Variants in FANCC observed in about 807,000 individuals in gnomAD.
The protein encoded by FANCC is FA complementation group C.
In FANCC, 55 loss-of-function variants were observed where a neutral mutation model predicts 71.3. The ratio of observed to expected loss-of-function variants is 0.77; its 90% CI spans 0.62 to 0.97. The LOEUF (loss-of-function observed/expected upper bound fraction) is 0.97. FANCC is among the 50% of genes least tolerant of loss of function. FANCC has a pLI of 0.00. For missense variants in FANCC, 678 were observed against 670.9 expected, an observed-to-expected ratio of 1.01 and a Z score of -0.12; for synonymous variants, 275 against 244.9, an observed-to-expected ratio of 1.12 and a Z score of -1.15.
At chr9:95,288,763 A>T (rs1833839460) in intron 1 of FANCC, among the ~76,000 whole-genome samples, 1 of 148,576 alleles carries the variant, frequency 6.7e-6, no homozygotes, top group African/African-American at 2.5e-5. Context: ...ATTTCCAATG[A>T]CTCTTCTCTT....
At chr9:95,258,147 T>C (rs965835740) in intron 1 of FANCC, among the ~76,000 whole-genome samples, 2 of 152,148 alleles carry the variant, frequency 1.3e-5, no homozygotes, top group South Asian at 4.2e-4. Context: ...CTGAAACTAT[T>C]CCAAACAATA....
intron 4 of FANCC, among the ~76,000 whole-genome samples, chr9:95,180,818 C>A (rs1826308168): frequency 6.6e-6 from 1 of 152,032 alleles, no homozygotes. Context: ...CCTAGAATCA[C>A]CACAAACATG....
intron 1 of FANCC, chr9:95,294,599 T>C: frequency 1.3e-6 from 2 of 1,555,594 alleles, no homozygotes; most frequent in Middle Eastern, 1.7e-4. Flanking sequence ...ATACCTGCTC[T>C]AGAAAGCAAA....
chr9:95,123,936 A>G (rs1825526172), intron 10 of FANCC: 1 of 380,476 alleles, frequency 2.6e-6, no homozygotes, highest in Non-Finnish European at 5.1e-6. Flanking sequence ...AATTGTACTT[A>G]ATTAAAAAAT....
chr9:95,198,744 G>A (rs963822616), intron 4 of FANCC, among the ~76,000 whole-genome samples: 2 of 152,064 alleles, frequency 1.3e-5, no homozygotes, highest in African/African-American at 2.4e-5. Flanking sequence ...TTGTGTGTGT[G>A]GGGGAGGGGA....
intron 4 of FANCC, among the ~76,000 whole-genome samples, chr9:95,225,698 T>C (rs1235434275): frequency 6.6e-6 from 1 of 152,020 alleles, no homozygotes; most frequent in Non-Finnish European, 1.5e-5. Context: ...TAAGAAACAA[T>C]CTGATACAAT....
Position 95,100,828 on chromosome 9 carries a change from G to T in FANCC, c.*879C>A, listed in dbSNP as rs1030880241. The T allele has an allele frequency of 1.3e-5, 3 of 227,918 alleles. No homozygotes were observed. Among genetic ancestry groups the T allele is most frequent in the Non-Finnish European group, 2.6e-5 (3 of 114,748 alleles). 14.1% of individuals were successfully genotyped at this position (227,918 alleles called of 1,614,324 possible). On this transcript the variant is annotated 3_prime_UTR_variant, in exon 15 of 15. Coordinates refer to ENST00000289081, the MANE Select transcript of FANCC (RefSeq NM_000136.3). Reference sequence around the variant, plus strand: ...GTATTTTTAGTAGAGATAGGGTATTGCCATGTTAGCCAGGCAGTCTGGAAC... The same window carrying T: ...GTATTTTTAGTAGAGATAGGGTATTTCCATGTTAGCCAGGCAGTCTGGAAC...
intron 4 of FANCC, among the ~76,000 whole-genome samples, chr9:95,172,629 A>AAC (rs1319031401): frequency 2.6e-5 from 4 of 152,174 alleles, no homozygotes; most frequent in Non-Finnish European, 4.4e-5. Flanking sequence ...TAAGATAGAG[A>AAC]ACACATCACA....
chr9:95,175,705 G>A lies in FANCC; in HGVS notation c.346-3558C>T, dbSNP rs181352049. 6.6e-5 allele frequency among the ~76,000 whole-genome samples: 10 copies of A among 152,364 alleles called. No homozygotes were observed. In the East Asian group the frequency reaches 1.5e-3, roughly 23 times the overall value. On this transcript the variant is annotated intron_variant, in intron 4 of 14. Transcript: ENST00000289081. ...TACTGCTGGACTCCACTGAACTTGC[G>A]AAGGCGGAGGGTGGGGCCTGCACAG...
chr9:95,297,673 C>A (rs374549177), intron 1 of FANCC, among the ~76,000 whole-genome samples: 1 of 152,178 alleles, frequency 6.6e-6, no homozygotes, highest in Non-Finnish European at 1.5e-5. Context: ...ATAACTTCTA[C>A]AAAAGGATTT....
intron 4 of FANCC, among the ~76,000 whole-genome samples, chr9:95,178,482 C>A (rs1165225276): frequency 6.6e-6 from 1 of 152,244 alleles, no homozygotes; most frequent in Non-Finnish European, 1.5e-5. Flanking sequence ...CCAGGAAGTG[C>A]CCCCTAAAAC....
intron 6 of FANCC, among the ~76,000 whole-genome samples, chr9:95,150,355 C>T (rs4647500): frequency 0.011 from 1,720 of 152,296 alleles, 31 homozygotes; most frequent in African/African-American, 0.039. Context: ...CAAAACACAA[C>T]TCCTGAATTC....
chr9:95,182,507 A>G (rs1240716221), intron 4 of FANCC, among the ~76,000 whole-genome samples: 1 of 152,122 alleles, frequency 6.6e-6, no homozygotes, highest in African/African-American at 2.4e-5. Context: ...GAGATAGAGA[A>G]AGACTCCATC....
chr9:95,303,019 A>G (rs897293050), intron 1 of FANCC, among the ~76,000 whole-genome samples: 1 of 152,130 alleles, frequency 6.6e-6, no homozygotes, highest in Admixed American at 6.5e-5. Context: ...GTTCAGACCC[A>G]CTGGACAAGA....
intron 6 of FANCC, among the ~76,000 whole-genome samples, chr9:95,152,358 A>G (rs1446794014): frequency 6.6e-6 from 1 of 152,206 alleles, no homozygotes; most frequent in African/African-American, 2.4e-5. Flanking sequence ...GAAATTTACC[A>G]AGAAGGTGAT....
intron 4 of FANCC, among the ~76,000 whole-genome samples, chr9:95,232,599 A>T (rs1830074263): frequency 6.6e-6 from 1 of 152,212 alleles, no homozygotes; most frequent in Non-Finnish European, 1.5e-5. Context: ...TGAGTTTCAA[A>T]AACCTTCAAA....
intron 13 of FANCC, chr9:95,110,511 A>T: frequency 9.7e-7 from 1 of 1,030,812 alleles, no homozygotes; most frequent in Non-Finnish European, 1.2e-6. Context: ...TACGTGGGTT[A>T]TAATTTTTTC....
chr9:95,211,170 G>T (rs911063378), intron 4 of FANCC, among the ~76,000 whole-genome samples: 4 of 152,176 alleles, frequency 2.6e-5, no homozygotes, highest in Middle Eastern at 3.2e-3. Context: ...AAAAACCAAT[G>T]AGGGAATCCC....
At chr9:95,297,266 A>T (rs146317381) in intron 1 of FANCC, among the ~76,000 whole-genome samples, 8 of 152,352 alleles carry the variant, frequency 5.3e-5, no homozygotes, top group African/African-American at 1.9e-4. Flanking sequence ...ACACTGACTT[A>T]TAATAATGGA....
Sources: allele counts gnomAD v4.1 joint callset (sites outside exome capture counted in the v4.1 genomes callset), GRCh38; gene constraint gnomAD v4.1.1; transcripts MANE v1.5; gene names NCBI Gene and HGNC (gene_info 2026-07-23, HGNC 2026-07-21).